GRM5: variants seen among roughly 807,000 people sequenced by gnomAD.
GRM5 encodes the protein glutamate metabotropic receptor 5.
A neutral mutation model predicts 83.1 loss-of-function variants in GRM5; 19 were observed. The observed-to-expected ratio is 0.23, with a 90% CI of 0.16 to 0.34. GRM5 has a LOEUF of 0.34. Among genes scored for constraint, GRM5 ranks in the 10% least tolerant of loss-of-function variants. The pLI is 1.00. For synonymous variants in GRM5, 675 were observed against 633.6 expected, an observed-to-expected ratio of 1.07 and a Z score of -0.98; for missense variants, 1,160 against 1,588.3, an observed-to-expected ratio of 0.73 and a Z score of 4.58.
At chr11:88,868,738 T>C (rs908037175) in intron 2 of GRM5, among the ~76,000 whole-genome samples, 3 of 151,770 alleles carry the variant, frequency 2.0e-5, no homozygotes, top group Admixed American at 6.6e-5. Flanking sequence ...TTCAGTAGTT[T>C]TTCCAAAGTA....
Position 88,623,270 on chromosome 11 carries a change from A to AT in GRM5, c.1148-18307dup, listed in dbSNP as rs200968274. Among the ~76,000 whole-genome samples, 545 of 151,242 alleles carry AT rather than the reference A, an allele frequency of 3.6e-3. 7 individuals are homozygous for AT. In the East Asian group the frequency reaches 0.058, roughly 16 times the overall value. On this transcript the variant is annotated intron_variant, in intron 4 of 9. Transcript: ENST00000305447. ...CCGGCTAATTTTTTGTATTTTTAGT[A>AT]TTTTTTTGTATTTTTGTATTTTGTA... is the stretch of plus-strand genomic sequence containing the variant.
rs186859432 is a variant in GRM5, at chr11:88,798,753, C to T, written c.911+51153G>A. On this transcript the variant is annotated intron_variant, in intron 3 of 9. Transcript: ENST00000305447. The stretch of plus-strand genomic sequence containing the variant: ...AAAGCTGGGATTGAAATCCCTGACA[C>T]TGAGTCAAAGTCATGAGTGTTTCTC... Among the ~76,000 whole-genome samples the T allele has an allele frequency of 5.2e-3, 712 of 136,288 alleles. 2 individuals carry two copies. The highest frequency in any genetic ancestry group is 9.0e-3 in the Non-Finnish European group (594 of 66,232). The allele number at this position is 136,288 out of a possible 152,430, so 89.4% of individuals were successfully genotyped here.
intron 2 of GRM5, among the ~76,000 whole-genome samples, chr11:88,868,791 T>C (rs544385847): frequency 9.2e-5 from 14 of 151,878 alleles, no homozygotes; most frequent in African/African-American, 3.4e-4. Context: ...CTTGTCTCTA[T>C]TGCCTATGTG....
chr11:88,781,824 C>G (rs918131703), intron 3 of GRM5, among the ~76,000 whole-genome samples: 5 of 152,110 alleles, frequency 3.3e-5, no homozygotes, highest in African/African-American at 4.8e-5. Flanking sequence ...ACTGACAAGC[C>G]AACAAAGCTG....
In GRM5 at chr11:88,888,777, G is replaced by A. The variant is rs553536991; in HGVS notation, c.662-38622C>T. Among the ~76,000 whole-genome samples the A allele has an allele frequency of 2.6e-5, 4 of 152,250 alleles. No homozygotes were observed. In the East Asian group the frequency reaches 7.7e-4, roughly 29 times the overall value. ...CCTTAAGTTGTAGACAATCTGGTGTGCTTTGTGTGTCTTTCTGTATGGTTC... is the reference window on the plus strand; with the variant it reads ...CCTTAAGTTGTAGACAATCTGGTGTACTTTGTGTGTCTTTCTGTATGGTTC... On this transcript the variant is annotated intron_variant, in intron 2 of 9. Coordinates refer to ENST00000305447, the MANE Select transcript of GRM5 (RefSeq NM_001143831.3).
At chr11:88,652,206 T>C (rs993647114) in intron 4 of GRM5, among the ~76,000 whole-genome samples, 3 of 152,086 alleles carry the variant, frequency 2.0e-5, no homozygotes, top group East Asian at 1.9e-4. Flanking sequence ...ATTTGAACAA[T>C]GTTTCATGTT....
intron 8 of GRM5, among the ~76,000 whole-genome samples, chr11:88,542,349 ATGGCT>A (rs1942286014): frequency 7.2e-6 from 1 of 138,968 alleles, no homozygotes; most frequent in Admixed American, 7.7e-5. Flanking sequence ...TACCAAAGGC[ATGGCT>A]AAAAAGGAAA....
chr11:89,026,423 C>A (rs894111612), intron 2 of GRM5, among the ~76,000 whole-genome samples: 9 of 152,152 alleles, frequency 5.9e-5, no homozygotes, highest in African/African-American at 2.2e-4. Context: ...CATATAGACA[C>A]TTTATACTTC....
chr11:88,706,396 A>G (rs1228238560), intron 3 of GRM5, among the ~76,000 whole-genome samples: 1 of 152,094 alleles, frequency 6.6e-6, no homozygotes, highest in Admixed American at 6.6e-5. Flanking sequence ...CTATTAAAGT[A>G]TCTCCCTTAA....
At chr11:88,786,228 G>A (rs1450060481) in intron 3 of GRM5, among the ~76,000 whole-genome samples, 2 of 152,078 alleles carry the variant, frequency 1.3e-5, no homozygotes, top group Admixed American at 6.6e-5. Context: ...CTGGGCATGT[G>A]TTCTGAATGT....
intron 8 of GRM5, among the ~76,000 whole-genome samples, chr11:88,546,596 C>T (rs1942390172): frequency 6.6e-6 from 1 of 151,966 alleles, no homozygotes; most frequent in Non-Finnish European, 1.5e-5. Flanking sequence ...TATATATGTT[C>T]ATAGCCATTT....
chr11:88,764,236 A>G (rs989673382), intron 3 of GRM5, among the ~76,000 whole-genome samples: 2 of 151,656 alleles, frequency 1.3e-5, no homozygotes, highest in African/African-American at 4.8e-5. Flanking sequence ...AGATTTAAAG[A>G]GAGAATAGTC....
chr11:88,575,156 A>G (rs922452930), intron 7 of GRM5, among the ~76,000 whole-genome samples: 6 of 152,154 alleles, frequency 3.9e-5, no homozygotes, highest in Non-Finnish European at 8.8e-5. Context: ...GTGTTAAGCA[A>G]GTTTTATTGG....
chr11:88,655,340 T>C lies in GRM5; in HGVS notation c.912-1937A>G, dbSNP rs72639186. 0.01 allele frequency among the ~76,000 whole-genome samples: 1,591 copies of C among 152,066 alleles called. 48 individuals carry two copies. The East Asian group carries it at 0.12, about 11-fold the overall frequency. ...CACTGAGATGAGAGTGTGGGTCTCA[T>C]TGGCACTCGAGGAGCAGCATGGGCG... On this transcript the variant is annotated intron_variant, in intron 3 of 9. Transcript: ENST00000305447.
chr11:88,813,481 A>T (rs1269672317), intron 3 of GRM5, among the ~76,000 whole-genome samples: 2 of 152,138 alleles, frequency 1.3e-5, no homozygotes, highest in East Asian at 1.9e-4. Flanking sequence ...TAACTCATTT[A>T]AAAAAAGAAT....
intron 3 of GRM5, among the ~76,000 whole-genome samples, chr11:88,777,005 G>T (rs1942868525): frequency 1.3e-5 from 2 of 152,200 alleles, no homozygotes; most frequent in Non-Finnish European, 2.9e-5. Flanking sequence ...GGTTGGGGAA[G>T]TTCTCCTGGA....
At position 88,601,807 on chromosome 11, in the gene GRM5, G is replaced by C. The variant is rs1189741557; in HGVS notation, c.1394+2911C>G. Among the ~76,000 whole-genome samples, 6 of 152,274 alleles carry C rather than the reference G, an allele frequency of 3.9e-5. No individual in the cohort carries two copies. In the East Asian group the frequency reaches 7.7e-4, roughly 20 times the overall value. Reference sequence around the variant, plus strand: ...AACCCGAGATTAGCAAACTTTTGCTGTGAGGGGATGTATGGTAAATATTTT... The same window carrying C: ...AACCCGAGATTAGCAAACTTTTGCTCTGAGGGGATGTATGGTAAATATTTT... On this transcript the variant is annotated intron_variant, in intron 5 of 9. Coordinates refer to ENST00000305447, the MANE Select transcript of GRM5 (RefSeq NM_001143831.3).
In GRM5 at chr11:88,849,930, G is replaced by A. The variant is rs202165348; in HGVS notation, c.887C>T (p.Ala296Val). Residue 296 changes from alanine (A) to valine (V), a missense_variant, in exon 3 of 10, where the codon GCG becomes GTG. Ala to Val is a moderately conservative substitution (Grantham distance 64). Around this residue, in one of 9 missense-constraint regions of GRM5, gnomAD observed 84 missense variants for 231.0 expected, o/e 0.36. Coordinates refer to ENST00000305447, the MANE Select transcript of GRM5 (RefSeq NM_001143831.3). ...CCTGCCCAGAAGCAGAAATTCTCCC[G>A]CTAGACCCAGGCGCCTCATGGCCAT... ...LLMAMRRLGL[A>V]GEFLLLGSDG... is the part of the protein sequence containing the mutation. 18 of 1,613,798 alleles carry A rather than the reference G, an allele frequency of 1.1e-5. No individual in the cohort carries two copies. The highest frequency in any genetic ancestry group is 4.4e-5 in the South Asian group (4 of 91,066).
intron 3 of GRM5, among the ~76,000 whole-genome samples, chr11:88,800,615 T>G (rs1188077650): frequency 6.6e-6 from 1 of 152,134 alleles, no homozygotes; most frequent in Non-Finnish European, 1.5e-5. Flanking sequence ...TTCTGTTCAT[T>G]AGATTCACTA....
Sources: gnomAD v4.1 joint callset for allele counts (sites outside exome capture counted in the v4.1 genomes callset) on GRCh38, gnomAD v4.1.1 for gene constraint, gnomAD v4.1.1 regional missense constraint, MANE v1.5 for transcripts, NCBI Gene and HGNC (gene_info 2026-07-23, HGNC 2026-07-21) for gene names.